Variants in RASA1 observed in about 807,000 individuals in gnomAD.
RASA1 encodes ras GTPase-activating protein 1.
A neutral mutation model predicts 132.2 loss-of-function variants in RASA1; 25 were observed. The ratio of observed to expected loss-of-function variants is 0.19; its 90% CI spans 0.14 to 0.26. The LOEUF is 0.26. RASA1 is among the 10% of genes least tolerant of loss of function. The probability of loss-of-function intolerance (pLI) is 1.00; values close to 1 mark genes in which losing one functional copy is unlikely to be tolerated. For missense variants in RASA1, 964 were observed against 1,299.2 expected (o/e 0.74, Z 3.97); for synonymous variants, 477 against 449.9 (o/e 1.06, Z -0.76).
At chr5:87,324,224 T>C (rs1476156462) in intron 1 of RASA1, among the ~76,000 whole-genome samples, 2 of 152,162 alleles carry the variant, frequency 1.3e-5, no homozygotes, top group Non-Finnish European at 2.9e-5. Flanking sequence ...ATACAAGAGA[T>C]TGAAAATGTG....
chr5:87,374,954 A>G (rs369135416), intron 15 of RASA1, 38 bp downstream of exon 15: 4 of 1,583,784 alleles, frequency 2.5e-6, no homozygotes, highest in Non-Finnish European at 3.4e-6. Context: ...TAGAAAAAGC[A>G]TGTTTTATAT....
In RASA1 at chr5:87,278,931, T is replaced by TC. The variant is rs1464091423; in HGVS notation, c.539+9941_539+9942insC. The stretch of plus-strand genomic sequence containing the variant: ...GTTCTTTTTTTTTTTTTTTTTTTTT[T>TC]TTCCTGTGGTCATTTAAAGAAGATT... On this transcript the variant is annotated intron_variant, in intron 1 of 24. Transcript: ENST00000274376. Among the ~76,000 whole-genome samples the TC allele has an allele frequency of 5.4e-5, 8 of 147,504 alleles. No homozygotes were observed. The East Asian group carries it at 1.2e-3, about 22-fold the overall frequency.
chr5:87,323,717 CTT>C (rs796856633), intron 1 of RASA1, among the ~76,000 whole-genome samples: 2 of 143,922 alleles, frequency 1.4e-5, no homozygotes. Context: ...TAAGTCAATT[CTT>C]TTTTTTTTTG....
intron 1 of RASA1, among the ~76,000 whole-genome samples, chr5:87,274,899 T>C (rs1189177391): frequency 2.0e-5 from 3 of 152,230 alleles, no homozygotes; most frequent in Admixed American, 6.5e-5. Flanking sequence ...GTGAAGAGTC[T>C]GGTCTACAGA....
intron 1 of RASA1, among the ~76,000 whole-genome samples, chr5:87,320,622 G>A (rs1040995587): frequency 2.0e-5 from 3 of 152,160 alleles, no homozygotes; most frequent in African/African-American, 7.2e-5. Context: ...CACGAGAACA[G>A]CAAGGGGAAA....
chr5:87,344,071 G>A (rs1417519963), intron 6 of RASA1, among the ~76,000 whole-genome samples: 5 of 152,142 alleles, frequency 3.3e-5, no homozygotes. Flanking sequence ...GGTGGGAAGG[G>A]TAGCAGGGAA....
At chr5:87,322,556 T>C (rs1251349403) in intron 1 of RASA1, among the ~76,000 whole-genome samples, 1 of 152,150 alleles carries the variant, frequency 6.6e-6, no homozygotes, top group Non-Finnish European at 1.5e-5. Flanking sequence ...TCTCTTGCTC[T>C]CTCTGGTCAT....
At chr5:87,306,577 T>G (rs116626555) in intron 1 of RASA1, among the ~76,000 whole-genome samples, 1 of 152,042 alleles carries the variant, frequency 6.6e-6, no homozygotes, top group African/African-American at 2.4e-5. Flanking sequence ...CATTTACTTA[T>G]GTAACAATCC....
chr5:87,382,515 T>C (rs1761790834), intron 20 of RASA1, among the ~76,000 whole-genome samples: 1 of 152,290 alleles, frequency 6.6e-6, no homozygotes, highest in East Asian at 1.9e-4. Flanking sequence ...GGAATAATGC[T>C]TGTCTTTACA....
At chr5:87,310,528 A>G (rs1755829928) in intron 1 of RASA1, among the ~76,000 whole-genome samples, 1 of 152,198 alleles carries the variant, frequency 6.6e-6, no homozygotes, top group African/African-American at 2.4e-5. Flanking sequence ...GGCTTTGCAT[A>G]AAGAAGTAGG....
At chr5:87,306,757 G>T (rs1755632372) in intron 1 of RASA1, among the ~76,000 whole-genome samples, 1 of 151,916 alleles carries the variant, frequency 6.6e-6, no homozygotes, top group South Asian at 2.1e-4. Context: ...ATTTTTCATT[G>T]AGTTTGGAAG....
chr5:87,290,758 A>T (rs943557327), intron 1 of RASA1, among the ~76,000 whole-genome samples: 1 of 152,118 alleles, frequency 6.6e-6, no homozygotes, highest in Non-Finnish European at 1.5e-5. Context: ...GCCTTTTCAC[A>T]TTGGCTTCTT....
intron 1 of RASA1, among the ~76,000 whole-genome samples, chr5:87,302,725 G>T (rs1044055925): frequency 1.3e-5 from 2 of 150,404 alleles, no homozygotes; most frequent in Admixed American, 1.3e-4. Context: ...CAGCATCCTA[G>T]ATATCTTTTT....
At chr5:87,388,034 C>G (rs1762185137) in intron 23 of RASA1, among the ~76,000 whole-genome samples, 1 of 152,152 alleles carries the variant, frequency 6.6e-6, no homozygotes, top group Non-Finnish European at 1.5e-5. Flanking sequence ...CAATTATTAT[C>G]TCCTTCAGGA....
intron 1 of RASA1, among the ~76,000 whole-genome samples, chr5:87,307,208 T>C (rs1332384744): frequency 6.6e-6 from 1 of 152,206 alleles, no homozygotes; most frequent in Non-Finnish European, 1.5e-5. Flanking sequence ...ATTCATCTTT[T>C]GTATTCTTTT....
chr5:87,292,883 T>C (rs2112270479), intron 1 of RASA1, among the ~76,000 whole-genome samples: 1 of 152,290 alleles, frequency 6.6e-6, no homozygotes, highest in Admixed American at 6.5e-5. Flanking sequence ...TATACCTAAG[T>C]ATTTCATTTT....
chr5:87,367,396 T>C (rs1242486069), intron 11 of RASA1, among the ~76,000 whole-genome samples: 2 of 152,210 alleles, frequency 1.3e-5, no homozygotes, highest in Non-Finnish European at 2.9e-5. Flanking sequence ...TGCTGACCTT[T>C]AGCATTTAGA....
At chr5:87,270,130 T>A (rs1245731342) in intron 1 of RASA1, among the ~76,000 whole-genome samples, 1 of 150,476 alleles carries the variant, frequency 6.6e-6, no homozygotes, top group South Asian at 2.1e-4. Flanking sequence ...TAATCCTAGC[T>A]ACTTGGGAGG....
At chr5:87,375,262 C>CT (rs998063046) in intron 15 of RASA1, among the ~76,000 whole-genome samples, 28 of 149,096 alleles carry the variant, frequency 1.9e-4, no homozygotes, top group East Asian at 5.9e-4. Context: ...GTTTTTCCTG[C>CT]TTTTTTTTTT....
Sources: gnomAD v4.1 joint callset for allele counts (sites outside exome capture counted in the v4.1 genomes callset) on GRCh38, gnomAD v4.1.1 for gene constraint, MANE v1.5 for transcripts, NCBI Gene and HGNC (gene_info 2026-07-23, HGNC 2026-07-21) for gene names.